Variants in CHAD observed in about 807,000 individuals in gnomAD.
CHAD encodes cartilage leucine-rich protein.
CHAD carries 18 observed loss-of-function variants against 24.0 expected under a neutral mutation model. The ratio of observed to expected loss-of-function variants is 0.75; its 90% CI spans 0.52 to 1.11. The LOEUF is 1.11. CHAD is among the 50% of genes most tolerant of loss of function. The pLI, the probability that CHAD is intolerant of heterozygous loss-of-function variation, is 0.00. For synonymous variants in CHAD, 195 were observed against 211.6 expected, an observed-to-expected ratio of 0.92 and a Z score of 0.68; for missense variants, 440 against 467.2, an observed-to-expected ratio of 0.94 and a Z score of 0.54.
At chr17:50,468,018 G>A (rs2032850523) in intron 1 of CHAD, 22 bp downstream of exon 1, 1 of 1,555,614 alleles carries the variant, frequency 6.4e-7, no homozygotes, top group South Asian at 1.2e-5. Flanking sequence ...AACCAGGGCA[G>A]AGCCCACAGC....
intron 1 of CHAD, among the ~76,000 whole-genome samples, chr17:50,466,380 C>T (rs953128738): frequency 2.0e-5 from 3 of 152,188 alleles, no homozygotes; most frequent in African/African-American, 7.2e-5. Context: ...TGAGCCACCA[C>T]GCCCAGCCAG....
Position 50,465,865 on chromosome 17 carries a change from T to G in CHAD, c.780A>C (p.Ser260=). Residue 260 remains serine, a synonymous_variant, in exon 2 of 4, where the codon TCA becomes TCC. Transcript: ENST00000508540. ...TGGTTACACCCAGGAAGGCACCATC[T>G]GAGAACTGGGGAGCAAGGTGGGAGC... ...WLDNTNLEKF[S]DGAFLGVTTL... 2.5e-6 allele frequency: 4 copies of G among 1,613,764 alleles called. No homozygotes were observed. The highest frequency in any genetic ancestry group is 1.1e-5 in the South Asian group (1 of 91,048).
rs1242479932 is a variant in CHAD, at chr17:50,464,733, A to G, written c.*321T>C. 1.7e-5 allele frequency: 6 copies of G among 362,878 alleles called. No individual in the cohort carries two copies. The highest frequency in any genetic ancestry group is 1.3e-4 in the Admixed American group (4 of 31,616). 22.5% of individuals were successfully genotyped at this position (362,878 alleles called of 1,614,324 possible). A position where few individuals can be genotyped will look rare whatever the true frequency, so the allele number is the denominator to read the frequency against. On this transcript the variant is annotated 3_prime_UTR_variant, in exon 4 of 4. Transcript: ENST00000508540. Reference sequence around the variant, plus strand: ...GAAGGATGATCCTGGGAGGGTGGCCATCCTGATGACCAACCTGTTGTGGTT... The same window carrying G: ...GAAGGATGATCCTGGGAGGGTGGCCGTCCTGATGACCAACCTGTTGTGGTT...
In CHAD at chr17:50,465,804, T is replaced by C; in HGVS notation, c.841A>G (p.Asn281Asp). Residue 281 changes from asparagine to aspartate, a missense_variant, in exon 2 of 4, where the codon AAC becomes GAC. Transcript: ENST00000508540. Reference protein sequence around the residue: ...KHVHLENNRLNQLPSNFPFDS... With the variant: ...KHVHLENNRLDQLPSNFPFDS... ...AAGGGGAAGTTGGAGGGTAGCTGGT[T>C]CAAGCGGTTGTTCTCCAAATGGACG... 6.2e-7 allele frequency: 1 copy of C among 1,613,722 alleles called. No individual in the cohort carries two copies. The highest frequency in any genetic ancestry group is 1.7e-5 in the Admixed American group (1 of 59,944).
Position 50,464,778 on chromosome 17 carries a change from G to GGGGT in CHAD, c.*275_*276insACCC. The GGGGT allele has an allele frequency of 6.3e-6, 2 of 318,906 alleles. No individual in the cohort carries two copies. Among genetic ancestry groups the GGGGT allele is most frequent in the South Asian group, 2.4e-5 (1 of 41,814 alleles). The allele number at this position is 318,906 out of a possible 1,614,324, so 19.8% of individuals were successfully genotyped here. A position where few individuals can be genotyped will look rare whatever the true frequency, so the allele number is the denominator to read the frequency against. ...GTGGTTCTGATTGACTTGGGGGGGG[G>GGGGT]GTCTCAGCAACAGCTTCTCCAAGAG... On this transcript the variant is annotated 3_prime_UTR_variant, in exon 4 of 4. Transcript: ENST00000508540.
chr17:50,465,515 C>T, intron 2 of CHAD, 76 bp from the exon 3 acceptor site: 2 of 1,563,560 alleles, frequency 1.3e-6, no homozygotes, highest in South Asian at 2.3e-5. Flanking sequence ...ACTATGGGGC[C>T]AGGATTGACT....
Position 50,465,692 on chromosome 17 carries a change from T to C in CHAD, c.938+15A>G, listed in dbSNP as rs200656301. Reference sequence around the variant, plus strand: ...ATGAGGGTGGGCTCTGGGAGTGACATGGAAGTGTTCTTACCGCCGAAGGCC... The same window carrying C: ...ATGAGGGTGGGCTCTGGGAGTGACACGGAAGTGTTCTTACCGCCGAAGGCC... On this transcript the variant is annotated intron_variant, in intron 2 of 3. Coordinates refer to ENST00000508540, the MANE Select transcript of CHAD (RefSeq NM_001267.3). The C allele has an allele frequency of 5.0e-6, 8 of 1,612,738 alleles. No individual in the cohort carries two copies. The highest frequency in any genetic ancestry group is 6.8e-6 in the Non-Finnish European group (8 of 1,179,714).
chr17:50,465,873 GGGGAGCAAGGTGGGAGCAAGGT>G lies in CHAD; in HGVS notation c.775-25_775-4del. On this transcript the variant is annotated splice_region_variant and splice_polypyrimidine_tract_variant and intron_variant, in intron 1 of 3. Coordinates refer to ENST00000508540, the MANE Select transcript of CHAD (RefSeq NM_001267.3). Reference sequence around the variant, plus strand: ...CCCAGGAAGGCACCATCTGAGAACTGGGGAGCAAGGTGGGAGCAAGGTGGGAGCAAGGTGGTCATGAGTGAAT... The same window carrying G: ...CCCAGGAAGGCACCATCTGAGAACTGGGGAGCAAGGTGGTCATGAGTGAAT... 1 of 1,613,670 alleles carries G rather than the reference GGGGAGCAAGGTGGGAGCAAGGT, an allele frequency of 6.2e-7. No individual in the cohort carries two copies. The highest frequency in any genetic ancestry group is 1.7e-4 in the Middle Eastern group (1 of 6,060).
At chr17:50,467,997 A>C in intron 1 of CHAD, 43 bp downstream of exon 1, 1 of 1,519,034 alleles carries the variant, frequency 6.6e-7, no homozygotes, top group Non-Finnish European at 8.8e-7. Context: ...GCCTCCAGGA[A>C]GGGAAGAAGG....
In CHAD at chr17:50,468,589, C is replaced by T. The variant is rs2143778271; in HGVS notation, c.225G>A (p.Pro75=). The T allele has an allele frequency of 4.3e-6, 7 of 1,614,164 alleles. No homozygotes were observed. In the East Asian group the frequency reaches 1.1e-4, roughly 26 times the overall value. ...VLAANSFRAM[P]NLVSLHLQHC... ...GCTGCAGGTGCAATGACACGAGGTT[C>T]GGCATGGCCCGGAACGAATTGGCAG... Residue 75 remains proline (P), a synonymous_variant, in exon 1 of 4, where the codon CCG becomes CCA. Coordinates refer to ENST00000508540, the MANE Select transcript of CHAD (RefSeq NM_001267.3).
rs763131416 is a variant in CHAD at position 50,468,113 on chromosome 17, A to C, written c.701T>G (p.Ile234Ser). ...AAAGGACTGGAAGGCATTGTCCGGG[A>C]TGCTTTTCAGGGGGTTGTGGGACAG... is the stretch of plus-strand genomic sequence containing the variant. ...LKLSHNPLKS[I>S]PDNAFQSFGR... Residue 234 changes from isoleucine to serine, a missense_variant, in exon 1 of 4, where the codon ATC becomes AGC. Coordinates refer to ENST00000508540, the MANE Select transcript of CHAD (RefSeq NM_001267.3). 1 of 1,614,008 alleles carries C rather than the reference A, an allele frequency of 6.2e-7. No homozygotes were observed. Among genetic ancestry groups the C allele is most frequent in the South Asian group, 1.1e-5 (1 of 91,040 alleles).
intron 1 of CHAD, chr17:50,467,754 G>A: frequency 2.9e-6 from 1 of 346,464 alleles, no homozygotes; most frequent in South Asian, 9.8e-5. Context: ...TGGGGGTTTG[G>A]AAGCACTGGA....
Position 50,465,793 on chromosome 17 carries a change from G to A in CHAD, c.852C>T (p.Pro284=), listed in dbSNP as rs2231507. 0.039 allele frequency: 63,381 copies of A among 1,613,786 alleles called. 1,634 individuals are homozygous for A. Among genetic ancestry groups the A allele is most frequent in the South Asian group, 0.087 (7,877 of 91,058 alleles). ...CCAGGCTGTCGAAGGGGAAGTTGGA[G>A]GGTAGCTGGTTCAAGCGGTTGTTCT... The part of the protein sequence containing the change: ...HLENNRLNQL[P]SNFPFDSLET... Residue 284 remains proline, a synonymous_variant, in exon 2 of 4, where the codon CCC becomes CCT. Coordinates refer to ENST00000508540, the MANE Select transcript of CHAD (RefSeq NM_001267.3).
chr17:50,468,079 G>T lies in CHAD; in HGVS notation c.735C>A (p.Tyr245Ter), dbSNP rs776363437. The T allele has an allele frequency of 1.2e-5, 20 of 1,610,592 alleles. No individual in the cohort carries two copies. Among genetic ancestry groups the T allele is most frequent in the Non-Finnish European group, 1.5e-5 (18 of 1,177,674 alleles). Residue 245 changes from tyrosine to a stop codon, truncating the protein, a stop_gained, in exon 1 of 4, where the codon TAC becomes TAA. Coordinates refer to ENST00000508540, the MANE Select transcript of CHAD (RefSeq NM_001267.3). LOFTEE classifies it high-confidence loss of function. ...TGTTGTCCAGCCAGAGGGTCTCCAGGTATCTGCCAAAGGACTGGAAGGCAT... is the reference window on the plus strand; with the variant it reads ...TGTTGTCCAGCCAGAGGGTCTCCAGTTATCTGCCAAAGGACTGGAAGGCAT... The part of the protein sequence containing the change: ...PDNAFQSFGR[Y>*]LETLWLDNTN...
At chr17:50,467,961 T>C in intron 1 of CHAD, 79 bp downstream of exon 1, 1 of 1,432,788 alleles carries the variant, frequency 7.0e-7, no homozygotes, top group South Asian at 1.4e-5. Flanking sequence ...CGGGGGATGG[T>C]GCCAGCTGTG....
chr17:50,465,959 C>G (rs2032682120), intron 1 of CHAD, 89 bp from the exon 2 acceptor site: 1 of 1,459,738 alleles, frequency 6.9e-7, no homozygotes, highest in Admixed American at 1.7e-5. Flanking sequence ...GGATCCTTCC[C>G]TGAACCTGAG....
intron 1 of CHAD, 199 bp downstream of exon 1, chr17:50,467,841 G>A: frequency 1.8e-6 from 1 of 561,786 alleles, no homozygotes; most frequent in African/African-American, 1.9e-5. Flanking sequence ...GAGGGCAGTG[G>A]TCGAGACTGG....
At chr17:50,465,571 G>T in intron 2 of CHAD, 132 bp from the exon 3 acceptor site, 2 of 1,463,396 alleles carry the variant, frequency 1.4e-6, no homozygotes, top group Non-Finnish European at 1.9e-6. Context: ...TTACAAATGG[G>T]GAAACTGAGG....
rs1032304374 is a variant in CHAD at position 50,464,714 on chromosome 17, T to C, written c.*340A>G. ...CAGGGAAAGAGGAACAGAGGAAGGA[T>C]GATCCTGGGAGGGTGGCCATCCTGA... is the stretch of plus-strand genomic sequence containing the variant. On this transcript the variant is annotated 3_prime_UTR_variant, in exon 4 of 4. Transcript: ENST00000508540. 1 of 416,626 alleles carries C rather than the reference T, an allele frequency of 2.4e-6. No individual in the cohort carries two copies. The highest frequency in any genetic ancestry group is 4.8e-6 in the Non-Finnish European group (1 of 209,834). 25.8% of individuals were successfully genotyped at this position (416,626 alleles called of 1,614,324 possible).
Sources: allele counts gnomAD v4.1 joint callset (sites outside exome capture counted in the v4.1 genomes callset), GRCh38; gene constraint gnomAD v4.1.1; transcripts MANE v1.5; gene names NCBI Gene and HGNC (gene_info 2026-07-23, HGNC 2026-07-21).